Variants in CCDC39 observed in about 807,000 individuals in gnomAD.
CCDC39 encodes the protein coiled-coil domain-containing protein 39.
CCDC39 carries 113 observed loss-of-function variants against 121.0 expected under a neutral mutation model. The ratio of observed to expected loss-of-function variants is 0.93; its 90% CI spans 0.80 to 1.09. CCDC39 has a LOEUF of 1.09. Ranked by LOEUF, CCDC39 falls within the 50% of genes least tolerant of loss-of-function variation. The pLI, the probability that CCDC39 is intolerant of heterozygous loss-of-function variation, is 0.00. For synonymous variants in CCDC39, 349 were observed against 352.2 expected (o/e 0.99, Z 0.10); for missense variants, 1,063 against 1,074.7 (o/e 0.99, Z 0.15).
chr3:180,676,765 G>T (rs566792748), intron 1 of CCDC39, among the ~76,000 whole-genome samples: 2 of 152,190 alleles, frequency 1.3e-5, no homozygotes, highest in South Asian at 2.1e-4. Context: ...TGATAGACTG[G>T]ATTAAGAAAA....
At chr3:180,628,459 G>A (rs944390707) in intron 14 of CCDC39, among the ~76,000 whole-genome samples, 1 of 152,028 alleles carries the variant, frequency 6.6e-6, no homozygotes, top group African/African-American at 2.4e-5. Flanking sequence ...CACCCACCTC[G>A]GCCTCCCAAA....
rs933146180 is a variant in CCDC39, at chr3:180,660,483, A to C, written c.516+87T>G. 3 of 1,220,438 alleles carry C rather than the reference A, an allele frequency of 2.5e-6. No homozygotes were observed. The African/African-American group carries it at 4.6e-5, about 19-fold the overall frequency. The allele number at this position is 1,220,438 out of a possible 1,614,324, so 75.6% of individuals were successfully genotyped here. The stretch of plus-strand genomic sequence containing the variant: ...TCAGAAGTTTAAGAATTGCTGCCTT[A>C]AAAATCCTAAGTATAACTTTAGGTA... On this transcript the variant is annotated intron_variant, in intron 4 of 19. Coordinates refer to ENST00000476379, the MANE Select transcript of CCDC39 (RefSeq NM_181426.2).
At chr3:180,671,991 C>T (rs1181030577) in intron 1 of CCDC39, among the ~76,000 whole-genome samples, 3 of 152,130 alleles carry the variant, frequency 2.0e-5, no homozygotes, top group Non-Finnish European at 4.4e-5. Flanking sequence ...ATAGATGAAA[C>T]AGCCATATAT....
At chr3:180,632,635 T>TA (rs984126750) in intron 13 of CCDC39, among the ~76,000 whole-genome samples, 109 of 151,628 alleles carry the variant, frequency 7.2e-4, no homozygotes, top group African/African-American at 2.3e-3. Context: ...AAAAAAAGAT[T>TA]AAAAAAAACA....
At chr3:180,669,798 A>C (rs1250786972) in intron 1 of CCDC39, among the ~76,000 whole-genome samples, 1 of 152,128 alleles carries the variant, frequency 6.6e-6, no homozygotes, top group Admixed American at 6.6e-5. Flanking sequence ...TTTAGTGATG[A>C]TTATCTTGAC....
At chr3:180,642,851 GAAAA>G (rs942571090) in intron 12 of CCDC39, among the ~76,000 whole-genome samples, 1 of 145,922 alleles carries the variant, frequency 6.9e-6, no homozygotes, top group South Asian at 2.2e-4. Context: ...AAATTAAAAA[GAAAA>G]AAAAACTAAG....
intron 3 of CCDC39, among the ~76,000 whole-genome samples, chr3:180,661,381 A>C (rs2108429876): frequency 6.6e-6 from 1 of 152,198 alleles, no homozygotes; most frequent in East Asian, 1.9e-4. Context: ...TGCACATGTA[A>C]AGAGAAGAAT....
intron 1 of CCDC39, among the ~76,000 whole-genome samples, chr3:180,670,568 T>C (rs1344962861): frequency 1.3e-5 from 2 of 151,898 alleles, no homozygotes; most frequent in Non-Finnish European, 2.9e-5. Context: ...CTGATTTTAT[T>C]CATTTACTCT....
intron 13 of CCDC39, among the ~76,000 whole-genome samples, chr3:180,636,301 A>C (rs1458202249): frequency 6.6e-6 from 1 of 152,186 alleles, no homozygotes; most frequent in Non-Finnish European, 1.5e-5. Context: ...GCATTCCTAT[A>C]CACCAATAAC....
Position 180,644,160 on chromosome 3 carries a change from C to T in CCDC39, c.1625G>A (p.Arg542Lys). 3.9e-6 allele frequency: 6 copies of T among 1,544,972 alleles called. No homozygotes were observed. The highest frequency in any genetic ancestry group is 5.2e-6 in the Non-Finnish European group (6 of 1,144,280). Residue 542 changes from arginine to lysine, a missense_variant, in exon 12 of 20, where the codon AGA becomes AAA. Arg to Lys is a conservative substitution (Grantham distance 26, BLOSUM62 2). Coordinates refer to ENST00000476379, the MANE Select transcript of CCDC39 (RefSeq NM_181426.2). ...KINELNLFID[R>K]SEKELDKAKG... ...GGCTTTATCAAGTTCTTTCTCTGAT[C>T]TGTCGATGAAAAGGTTTAGTTCATT...
At chr3:180,635,263 TAGATGAGACTTG>T (rs1336025491) in intron 13 of CCDC39, among the ~76,000 whole-genome samples, 1 of 152,148 alleles carries the variant, frequency 6.6e-6, no homozygotes, top group African/African-American at 2.4e-5. Flanking sequence ...ATTACAATTG[TAGATGAGACTTG>T]GGTGGGGACA....
At chr3:180,622,874 C>T (rs1484338847) in intron 14 of CCDC39, among the ~76,000 whole-genome samples, 1 of 151,522 alleles carries the variant, frequency 6.6e-6, no homozygotes, top group African/African-American at 2.4e-5. Context: ...ATTGATTTAT[C>T]GTTTTCTTTT....
chr3:180,651,703 C>A (rs1711499761), intron 8 of CCDC39, among the ~76,000 whole-genome samples, 170 bp from the exon 9 acceptor site: 1 of 152,116 alleles, frequency 6.6e-6, no homozygotes, highest in African/African-American at 2.4e-5. Context: ...GCTTCTGAGT[C>A]TTTGTGATGA....
Position 180,614,706 on chromosome 3 carries a change from CAT to C in CCDC39, c.*213_*214del, listed in dbSNP as rs1458819158. On this transcript the variant is annotated 3_prime_UTR_variant, in exon 20 of 20. Coordinates refer to ENST00000476379, the MANE Select transcript of CCDC39 (RefSeq NM_181426.2). Reference sequence around the variant, plus strand: ...CAGCATTTTTCCTATGCTTGTATAACATGTAGCCTTGTCAAGAATCTGCTATT... The same window carrying C: ...CAGCATTTTTCCTATGCTTGTATAACGTAGCCTTGTCAAGAATCTGCTATT... 2.1e-6 allele frequency: 1 copy of C among 465,690 alleles called. No individual in the cohort carries two copies. Among genetic ancestry groups the C allele is most frequent in the East Asian group, 3.8e-5 (1 of 26,180 alleles). 28.8% of individuals were successfully genotyped at this position (465,690 alleles called of 1,614,324 possible).
chr3:180,644,165 G>C lies in CCDC39; in HGVS notation c.1620C>G (p.Ile540Met). The C allele has an allele frequency of 6.5e-7, 1 of 1,544,120 alleles. No individual in the cohort carries two copies. Among genetic ancestry groups the C allele is most frequent in the Non-Finnish European group, 8.7e-7 (1 of 1,143,768 alleles). The stretch of plus-strand genomic sequence containing the variant: ...TATCAAGTTCTTTCTCTGATCTGTC[G>C]ATGAAAAGGTTTAGTTCATTTATTT... ...MTKINELNLF[I>M]DRSEKELDKA... The change falls in exon 12 of 20, where the codon ATC becomes ATG. Residue 540 changes from isoleucine (I) to methionine (M), a missense_variant. By Grantham distance (10) the Ile-to-Met change is conservative. Coordinates refer to ENST00000476379, the MANE Select transcript of CCDC39 (RefSeq NM_181426.2).
chr3:180,660,768 A>G, intron 3 of CCDC39, 40 bp from the exon 4 acceptor site: 1 of 1,552,090 alleles, frequency 6.4e-7, no homozygotes. Flanking sequence ...AGATTACAAA[A>G]CATTACTTAC....
At chr3:180,617,519 AG>A in intron 16 of CCDC39, 1 of 661,260 alleles carries the variant, frequency 1.5e-6, no homozygotes, top group Non-Finnish European at 2.8e-6. Context: ...AAGTGGGACA[AG>A]ATATGGAGGT....
intron 13 of CCDC39, 24 bp from the exon 14 acceptor site, chr3:180,631,616 G>T: frequency 6.3e-7 from 1 of 1,584,044 alleles, no homozygotes. Context: ...GAAACACTGA[G>T]AAATGAATAA....
At chr3:180,619,729 C>T in intron 15 of CCDC39, 82 bp downstream of exon 15, 2 of 840,676 alleles carry the variant, frequency 2.4e-6, no homozygotes, top group Admixed American at 3.3e-5. Context: ...TGCTTTTGTT[C>T]TTCCTCATGT....
Sources: allele counts gnomAD v4.1 joint callset (sites outside exome capture counted in the v4.1 genomes callset), GRCh38; gene constraint gnomAD v4.1.1; transcripts MANE v1.5; gene names NCBI Gene and HGNC (gene_info 2026-07-23, HGNC 2026-07-21).